Variants in SNTA1 observed in about 807,000 individuals in gnomAD.
The protein encoded by SNTA1 is alpha-1-syntrophin.
Under a neutral mutation model 47.1 loss-of-function variants are expected in SNTA1, and 31 were observed. The observed-to-expected ratio is 0.66, with a 90% confidence interval of 0.49 to 0.89. SNTA1 has a LOEUF of 0.89. SNTA1 is among the 40% of genes least tolerant of loss of function. SNTA1 has a pLI of 0.00. For missense variants in SNTA1, 575 were observed against 693.0 expected (o/e 0.83, Z 1.91); for synonymous variants, 300 against 313.6 (o/e 0.96, Z 0.46).
rs749125529 is a variant in SNTA1, at chr20:33,412,476, A to T, written c.910-50T>A. On this transcript the variant is annotated intron_variant, in intron 4 of 7. Coordinates refer to ENST00000217381, the MANE Select transcript of SNTA1 (RefSeq NM_003098.3). ...GGATGGGTGGGGGAAGAGAGGGCAG[A>T]GGGCCAGGGCAGGGTGAGGTGGCCA... 1.9e-6 allele frequency: 3 copies of T among 1,607,392 alleles called. No homozygotes were observed. The Admixed American group carries it at 5.1e-5, about 27-fold the overall frequency.
intron 5 of SNTA1, 105 bp from the exon 6 acceptor site, chr20:33,410,436 C>T (rs1340154838): frequency 5.4e-6 from 4 of 743,330 alleles, no homozygotes; most frequent in Non-Finnish European, 9.1e-6. Flanking sequence ...AAATCCTTTA[C>T]CACCTAACAG....
intron 2 of SNTA1, among the ~76,000 whole-genome samples, chr20:33,423,509 T>C (rs549687763): frequency 1.3e-5 from 2 of 152,160 alleles, no homozygotes; most frequent in Admixed American, 6.6e-5. Context: ...GGGAGCCTGA[T>C]AAGCAGTGAC....
intron 2 of SNTA1, among the ~76,000 whole-genome samples, chr20:33,419,603 A>T (rs1445416910): frequency 1.3e-5 from 2 of 152,118 alleles, no homozygotes; most frequent in East Asian, 3.9e-4. Flanking sequence ...CTATTGGATT[A>T]TGTCTCAAAG....
intron 3 of SNTA1, among the ~76,000 whole-genome samples, chr20:33,417,413 A>G (rs1600844123): frequency 6.6e-6 from 1 of 152,286 alleles, no homozygotes; most frequent in Non-Finnish European, 1.5e-5. Flanking sequence ...TCATCTCACA[A>G]TGGAGAATCT....
At chr20:33,431,308 C>A (rs1990301775) in intron 2 of SNTA1, among the ~76,000 whole-genome samples, 1 of 152,088 alleles carries the variant, frequency 6.6e-6, no homozygotes, top group Non-Finnish European at 1.5e-5. Flanking sequence ...TGAGTTTTGG[C>A]ATCTGAAAGA....
chr20:33,412,647 C>T lies in SNTA1; in HGVS notation c.837G>A (p.Leu279=), dbSNP rs746607636. The change falls in exon 4 of 8, where the codon CTG becomes CTA. Residue 279 remains leucine, a synonymous_variant. Coordinates refer to ENST00000217381, the MANE Select transcript of SNTA1 (RefSeq NM_003098.3). ...NTLTPRVKDE[L]QALLAATSTA... is the part of the protein sequence containing the mutation. Reference sequence around the variant, plus strand: ...TGCTGGTGGCTGCCAACAGTGCCTGCAGCTCATCCTTGACCCGCGGCGTCA... The same window carrying T: ...TGCTGGTGGCTGCCAACAGTGCCTGTAGCTCATCCTTGACCCGCGGCGTCA... 39 of 1,613,922 alleles carry T rather than the reference C, an allele frequency of 2.4e-5. No homozygotes were observed. Among genetic ancestry groups the T allele is most frequent in the South Asian group, 9.9e-5 (9 of 91,088 alleles).
intron 2 of SNTA1, among the ~76,000 whole-genome samples, chr20:33,429,334 TAAAAAAAAAAAAA>T (rs35077145): frequency 2.4e-4 from 6 of 25,094 alleles, no homozygotes; most frequent in East Asian, 1.2e-3. Flanking sequence ...AGACTCCACC[TAAAAAAAAAAAAA>T]AAAAAAAAAA....
At chr20:33,437,937 C>A (rs865920004) in intron 2 of SNTA1, among the ~76,000 whole-genome samples, 1 of 152,238 alleles carries the variant, frequency 6.6e-6, no homozygotes. Context: ...TGGAGAAAGC[C>A]ATTCAACCAA....
intron 2 of SNTA1, among the ~76,000 whole-genome samples, chr20:33,429,033 T>C (rs973985743): frequency 1.9e-4 from 29 of 151,354 alleles, no homozygotes; most frequent in African/African-American, 6.8e-4. Flanking sequence ...AAAGCAAGAC[T>C]CGGTCTCAAA....
chr20:33,417,644 GGT>G (rs1319466299), intron 3 of SNTA1, 73 bp downstream of exon 3: 1 of 1,021,896 alleles, frequency 9.8e-7, no homozygotes, highest in African/African-American at 1.6e-5. Flanking sequence ...ACAACACAGA[GGT>G]GTCTTTCCAT....
chr20:33,440,075 A>C (rs930897266), intron 1 of SNTA1, among the ~76,000 whole-genome samples: 1 of 151,768 alleles, frequency 6.6e-6, no homozygotes, highest in Non-Finnish European at 1.5e-5. Flanking sequence ...CAGTGAGCTG[A>C]GATCACGCCA....
At chr20:33,434,701 C>CT (rs763355692) in intron 2 of SNTA1, among the ~76,000 whole-genome samples, 115 of 145,040 alleles carry the variant, frequency 7.9e-4, no homozygotes, top group South Asian at 1.3e-3. Flanking sequence ...CGCTTACACT[C>CT]TTTTTTTTTT....
At position 33,408,812 on chromosome 20, in the gene SNTA1, T is replaced by C; in HGVS notation, c.1314A>G (p.Pro438=). ...GCAGGAGCACAGCTCGGGCTGCACC[T>C]GGCTCAGCCGCCCACAGTGTGAAGC... ...DKGFTLWAAE[P]GAARAVLLRQ... is the part of the protein sequence containing the mutation. The change falls in exon 7 of 8, where the codon CCA becomes CCG. Residue 438 remains proline, a synonymous_variant. Coordinates refer to ENST00000217381, the MANE Select transcript of SNTA1 (RefSeq NM_003098.3). 6.2e-7 allele frequency: 1 copy of C among 1,614,168 alleles called. No homozygotes were observed. Among genetic ancestry groups the C allele is most frequent in the South Asian group, 1.1e-5 (1 of 91,086 alleles).
intron 2 of SNTA1, among the ~76,000 whole-genome samples, chr20:33,425,371 G>T (rs1017598486): frequency 6.6e-6 from 1 of 151,802 alleles, no homozygotes; most frequent in Non-Finnish European, 1.5e-5. Flanking sequence ...ATTGAAAGTG[G>T]GTCTGGGGCC....
Position 33,438,990 on chromosome 20 carries a change from T to G in SNTA1, c.347A>C (p.Lys116Thr), listed in dbSNP as rs1466316930. ...RENKMPILIS[K>T]IFKGLAADQT... is the part of the protein sequence containing the mutation. ...GTCAGCTGCCAATCCCTTGAAGATC[T>G]TGGAAATGAGAATAGGCATCTTGTT... The change falls in exon 2 of 8, where the codon AAG (lysine) becomes ACG (threonine). Residue 116 changes from lysine to threonine, a missense_variant. Coordinates refer to ENST00000217381, the MANE Select transcript of SNTA1 (RefSeq NM_003098.3). The G allele has an allele frequency of 6.2e-7, 1 of 1,614,146 alleles. No homozygotes were observed.
At chr20:33,412,810 G>A (rs376596815) in intron 3 of SNTA1, 28 bp from the exon 4 acceptor site, 201 of 1,522,770 alleles carry the variant, frequency 1.3e-4, no homozygotes, top group Non-Finnish European at 1.8e-4. Context: ...TGGAGACAAG[G>A]ACCTGACCAT....
chr20:33,419,344 C>T (rs1339641659), intron 2 of SNTA1, among the ~76,000 whole-genome samples: 2 of 152,144 alleles, frequency 1.3e-5, no homozygotes, highest in African/African-American at 4.8e-5. Context: ...ATTCTTGGCC[C>T]ACCTCCCTGG....
chr20:33,437,363 G>C (rs1406942087), intron 2 of SNTA1, among the ~76,000 whole-genome samples: 1 of 150,126 alleles, frequency 6.7e-6, no homozygotes, highest in African/African-American at 2.5e-5. Flanking sequence ...GGGGGGTGGA[G>C]GGTGCATTGA....
At chr20:33,441,485 G>T (rs1990576443) in intron 1 of SNTA1, among the ~76,000 whole-genome samples, 1 of 152,112 alleles carries the variant, frequency 6.6e-6, no homozygotes, top group Admixed American at 6.6e-5. Context: ...GCCCACACAG[G>T]CCCGACCGTT....
Sources: gnomAD v4.1 joint callset for allele counts (sites outside exome capture counted in the v4.1 genomes callset) on GRCh38, gnomAD v4.1.1 for gene constraint, MANE v1.5 for transcripts, NCBI Gene and HGNC (gene_info 2026-07-23, HGNC 2026-07-21) for gene names.